The following FERMT1 variants were observed in gnomAD, a reference collection of about 807,000 sequenced individuals.
FERMT1 encodes fermitin family homolog 1.
A neutral mutation model predicts 85.3 loss-of-function variants in FERMT1; 60 were observed. That is an observed-to-expected ratio of 0.70 (90% CI 0.57 to 0.87). The LOEUF (loss-of-function observed/expected upper bound fraction) is 0.87. Ranked by LOEUF, FERMT1 falls within the 40% of genes least tolerant of loss-of-function variation. FERMT1 has a pLI of 0.00. For missense variants in FERMT1, 701 were observed against 818.9 expected, an observed-to-expected ratio of 0.86 and a Z score of 1.76; for synonymous variants, 275 against 301.1, an observed-to-expected ratio of 0.91 and a Z score of 0.90.
chr20:6,096,823 C>G, intron 8 of FERMT1, 79 bp downstream of exon 8: 3 of 620,450 alleles, frequency 4.8e-6, no homozygotes, highest in East Asian at 7.9e-5. Context: ...GAAATATTCT[C>G]TTCTAATAAA....
intron 3 of FERMT1, 130 bp from the exon 4 acceptor site, chr20:6,112,753 TC>T: frequency 1.6e-6 from 1 of 623,822 alleles, no homozygotes; most frequent in Non-Finnish European, 2.6e-6. Context: ...CTAAACTGCA[TC>T]CCTTTTGAAG....
chr20:6,085,368 C>T lies in FERMT1; in HGVS notation c.1372-81G>A. 2.4e-6 allele frequency: 3 copies of T among 1,267,318 alleles called. No homozygotes were observed. In the South Asian group the frequency reaches 3.6e-5, roughly 15 times the overall value. The allele number at this position is 1,267,318 out of a possible 1,614,324, so 78.5% of individuals were successfully genotyped here. ...ACAGAGGGGGACTTGGGCTTTCTAC[C>T]CCATTACAGTGCAAAACCATCACCT... is the stretch of plus-strand genomic sequence containing the variant. On this transcript the variant is annotated intron_variant, in intron 11 of 14. Transcript: ENST00000217289.
At chr20:6,092,106 T>C (rs1982386612) in intron 9 of FERMT1, among the ~76,000 whole-genome samples, 1 of 152,178 alleles carries the variant, frequency 6.6e-6, no homozygotes, top group Non-Finnish European at 1.5e-5. Flanking sequence ...ACCACCTGGC[T>C]AATTTTTGTA....
At position 6,105,313 on chromosome 20, in the gene FERMT1, G is replaced by A. The variant is rs145311270; in HGVS notation, c.849+2219C>T. 2.9e-3 allele frequency among the ~76,000 whole-genome samples: 448 copies of A among 152,262 alleles called. 2 individuals carry two copies. Among genetic ancestry groups the A allele is most frequent in the African/African-American group, 0.01 (426 of 41,534 alleles). ...GGTCTCAGAGCAGGGTTCTGATTCT[G>A]GGGTTCTCAGACTTGGAAGTTTGAT... On this transcript the variant is annotated intron_variant, in intron 6 of 14. Coordinates refer to ENST00000217289, the MANE Select transcript of FERMT1 (RefSeq NM_017671.5).
intron 2 of FERMT1, among the ~76,000 whole-genome samples, chr20:6,118,777 A>G (rs1350234116): frequency 6.6e-6 from 1 of 151,994 alleles, no homozygotes; most frequent in Non-Finnish European, 1.5e-5. Flanking sequence ...AAAACTCCTC[A>G]GCACCAATTT....
chr20:6,103,548 A>T (rs58961824), intron 6 of FERMT1, among the ~76,000 whole-genome samples: 11,384 of 152,196 alleles, frequency 0.075, 995 homozygotes, highest in East Asian at 0.46. Context: ...GACAGAGCCC[A>T]TTTCCTGACA....
chr20:6,097,973 C>T (rs1982556077), intron 6 of FERMT1, among the ~76,000 whole-genome samples: 2 of 152,088 alleles, frequency 1.3e-5, no homozygotes, highest in African/African-American at 4.8e-5. Flanking sequence ...TGCCACCACA[C>T]CTGGCTAATG....
chr20:6,087,905 C>T (rs759904211), intron 10 of FERMT1, 22 bp from the exon 11 acceptor site: 1 of 1,351,894 alleles, frequency 7.4e-7, no homozygotes, highest in East Asian at 2.3e-5. Context: ...AGATCAGAGA[C>T]AAAACTGAGT....
chr20:6,098,149 T>G (rs938440590), intron 6 of FERMT1, among the ~76,000 whole-genome samples: 1 of 152,186 alleles, frequency 6.6e-6, no homozygotes, highest in African/African-American at 2.4e-5. Flanking sequence ...TGCTGCTGCT[T>G]CTTCACAACC....
chr20:6,077,147 G>A lies in FERMT1; in HGVS notation c.*26C>T, dbSNP rs1164486300. 5.0e-6 allele frequency: 8 copies of A among 1,612,356 alleles called. No individual in the cohort carries two copies. Among genetic ancestry groups the A allele is most frequent in the Admixed American group, 1.7e-5 (1 of 60,000 alleles). On this transcript the variant is annotated 3_prime_UTR_variant, in exon 15 of 15. Coordinates refer to ENST00000217289, the MANE Select transcript of FERMT1 (RefSeq NM_017671.5). ...GGGGCGCCTTTGGCTTGCCTTGTTG[G>A]TGTGAGCCGAGCACGCGTGCTTGTT...
At chr20:6,121,261 A>G (rs1391873401) in intron 1 of FERMT1, among the ~76,000 whole-genome samples, 1 of 152,186 alleles carries the variant, frequency 6.6e-6, no homozygotes, top group East Asian at 1.9e-4. Flanking sequence ...AGCTGAGATT[A>G]CAGGCGTGTG....
chr20:6,096,968 A>C lies in FERMT1; in HGVS notation c.1023T>G (p.Asp341Glu). ...TQDFAGESEV[D>E]EIEAALSNLE... ...AATTAGAAAGCGCCGCTTCTATTTC[A>C]TCAACCTCGGACTCGCCTGCAAAAT... Residue 341 changes from aspartate (D) to glutamate (E), a missense_variant, in exon 8 of 15, where the codon GAT becomes GAG. Physicochemically the swap from Asp to Glu is conservative, Grantham distance 45. Coordinates refer to ENST00000217289, the MANE Select transcript of FERMT1 (RefSeq NM_017671.5). The C allele has an allele frequency of 1.2e-6, 2 of 1,614,080 alleles. No individual in the cohort carries two copies. The highest frequency in any genetic ancestry group is 1.7e-6 in the Non-Finnish European group (2 of 1,179,960).
In FERMT1 at chr20:6,104,485, A is replaced by G. The variant is rs1982746886; in HGVS notation, c.849+3047T>C. Among the ~76,000 whole-genome samples, 1 of 152,198 alleles carries G rather than the reference A, an allele frequency of 6.6e-6. No homozygotes were observed. The highest frequency in any genetic ancestry group is 2.4e-5 in the African/African-American group (1 of 41,440). Reference sequence around the variant, plus strand: ...AAACTTGATTTTATCTATAGCACTCATAATTTTGAGAGAGGGGGAAGGGAA... The same window carrying G: ...AAACTTGATTTTATCTATAGCACTCGTAATTTTGAGAGAGGGGGAAGGGAA... On this transcript the variant is annotated intron_variant, in intron 6 of 14. Coordinates refer to ENST00000217289, the MANE Select transcript of FERMT1 (RefSeq NM_017671.5). This position sits in a 1 kb window ranked among gnomAD's most constrained non-coding sequence, Gnocchi z 4.2.
chr20:6,079,238 G>A (rs1981924895), intron 14 of FERMT1, among the ~76,000 whole-genome samples, 198 bp downstream of exon 14: 1 of 152,230 alleles, frequency 6.6e-6, no homozygotes, highest in African/African-American at 2.4e-5. Flanking sequence ...CAGTGCTAAT[G>A]CAAGAGCATT....
intron 13 of FERMT1, 106 bp downstream of exon 13, chr20:6,083,934 A>G (rs1982085000): frequency 1.0e-5 from 14 of 1,353,416 alleles, no homozygotes; most frequent in Non-Finnish European, 1.3e-5. Flanking sequence ...AATATTCTCA[A>G]ATAAAAAGCA....
At chr20:6,120,783 T>C (rs998761893) in intron 1 of FERMT1, among the ~76,000 whole-genome samples, 1 of 152,176 alleles carries the variant, frequency 6.6e-6, no homozygotes, top group African/African-American at 2.4e-5. Context: ...AAAATGCAGA[T>C]TCTATTCAGC....
At chr20:6,116,658 A>G (rs6038360) in intron 2 of FERMT1, among the ~76,000 whole-genome samples, 15,793 of 151,294 alleles carry the variant, frequency 0.1, 879 homozygotes, top group African/African-American at 0.14. Flanking sequence ...GAACCCGGGA[A>G]GTGGAGATTG....
In FERMT1 at chr20:6,096,782, CTTTTTTTT is replaced by C. The variant is rs202086138; in HGVS notation, c.1089+112_1089+119del. ...TTGAAGCTTGTTAGGTGAAGAGCAT[CTTTTTTTT>C]TTTTTTTTTTTCAAAATCAGATGAA... On this transcript the variant is annotated intron_variant, in intron 8 of 14. Transcript: ENST00000217289. 9 of 534,096 alleles carry C rather than the reference CTTTTTTTT, an allele frequency of 1.7e-5. No homozygotes were observed. In the East Asian group the frequency reaches 2.0e-4, roughly 12 times the overall value. The allele number at this position is 534,096 out of a possible 1,614,324, so 33.1% of individuals were successfully genotyped here. A position where few individuals can be genotyped will look rare whatever the true frequency, so the allele number is the denominator to read the frequency against.
intron 6 of FERMT1, among the ~76,000 whole-genome samples, chr20:6,100,755 G>A (rs1238324851): frequency 6.6e-6 from 1 of 152,056 alleles, no homozygotes. Context: ...GATGCATAAG[G>A]CTGGCTTGAC....
Sources: allele counts gnomAD v4.1 joint callset (sites outside exome capture counted in the v4.1 genomes callset), GRCh38; gene constraint gnomAD v4.1.1; non-coding constraint Gnocchi (gnomAD v3.1); transcripts MANE v1.5; gene names NCBI Gene and HGNC (gene_info 2026-07-23, HGNC 2026-07-21).